ERC2: variants seen among roughly 807,000 people sequenced by gnomAD.
ERC2 encodes ELKS/RAB6-interacting/CAST family member 2, also known as ERC protein 2.
In ERC2, 42 loss-of-function variants were observed where a neutral mutation model predicts 114.8. That is an observed-to-expected ratio of 0.37 (90% CI 0.29 to 0.47). ERC2 has a LOEUF of 0.47. ERC2 is among the 20% of genes least tolerant of loss of function. The pLI, the probability that ERC2 is intolerant of heterozygous loss-of-function variation, is 0.99. For synonymous variants in ERC2, 454 were observed against 425.5 expected (o/e 1.07, Z -0.82); for missense variants, 939 against 1,150.7 (o/e 0.82, Z 2.66).
chr3:55,578,383 C>T (rs2057094440), intron 17 of ERC2, among the ~76,000 whole-genome samples: 1 of 152,178 alleles, frequency 6.6e-6, no homozygotes, highest in African/African-American at 2.4e-5. Flanking sequence ...TCACTGTGCT[C>T]CAGGAAAGCT....
rs1007680667 is a variant in ERC2, at chr3:55,716,628, T to C, written c.2713-17116A>G. 2.6e-5 allele frequency among the ~76,000 whole-genome samples: 4 copies of C among 152,322 alleles called. No individual in the cohort carries two copies. The South Asian group carries it at 8.3e-4, about 32-fold the overall frequency. ...GTCTGTGGCTTCTGATTCCCTTTTA[T>C]AGCCCTTGAAATTCTGGAACAAGGT... On this transcript the variant is annotated intron_variant, in intron 15 of 17. Coordinates refer to ENST00000288221, the MANE Select transcript of ERC2 (RefSeq NM_015576.3).
intron 13 of ERC2, among the ~76,000 whole-genome samples, chr3:55,914,535 A>G (rs1009003779): frequency 2.0e-5 from 3 of 152,038 alleles, no homozygotes; most frequent in Non-Finnish European, 4.4e-5. Flanking sequence ...TACACATACA[A>G]CTTGATTCTT....
At chr3:56,173,744 A>G in intron 3 of ERC2, 1 of 512,388 alleles carries the variant, frequency 2.0e-6, no homozygotes, top group East Asian at 3.5e-5. Context: ...ACTTCCATCA[A>G]TAATTAATGT....
chr3:55,569,540 G>T (rs974021209), intron 17 of ERC2, among the ~76,000 whole-genome samples: 4 of 152,320 alleles, frequency 2.6e-5, no homozygotes, highest in African/African-American at 7.2e-5. Context: ...ACTCTTCAAA[G>T]ATATCATGTT....
At chr3:56,058,224 T>C (rs1364545486) in intron 7 of ERC2, among the ~76,000 whole-genome samples, 1 of 152,198 alleles carries the variant, frequency 6.6e-6, no homozygotes, top group African/African-American at 2.4e-5. Flanking sequence ...TAGGGAGACA[T>C]ACCCTGACAA....
intron 3 of ERC2, among the ~76,000 whole-genome samples, chr3:56,259,879 A>G (rs943151152): frequency 3.9e-5 from 6 of 152,018 alleles, no homozygotes; most frequent in Non-Finnish European, 5.9e-5. Context: ...TAAATTCAAG[A>G]GCTATGGGTT....
intron 17 of ERC2, among the ~76,000 whole-genome samples, chr3:55,550,834 G>A (rs1335008867): frequency 1.3e-5 from 2 of 152,060 alleles, no homozygotes; most frequent in African/African-American, 2.4e-5. Flanking sequence ...GGCTAACACG[G>A]TGAAACCCCA....
chr3:56,381,308 G>T (rs558713275), intron 2 of ERC2, among the ~76,000 whole-genome samples: 1 of 152,212 alleles, frequency 6.6e-6, no homozygotes, highest in African/African-American at 2.4e-5. Context: ...TCATTCCTGG[G>T]TATACTTAGG....
chr3:56,239,765 A>T (rs1478844099), intron 3 of ERC2, among the ~76,000 whole-genome samples: 1 of 152,206 alleles, frequency 6.6e-6, no homozygotes, highest in African/African-American at 2.4e-5. Context: ...CCCCCTTCTG[A>T]TCGGAGGCAT....
chr3:56,139,082 G>A (rs1340857712), intron 6 of ERC2, among the ~76,000 whole-genome samples: 1 of 152,094 alleles, frequency 6.6e-6, no homozygotes, highest in Non-Finnish European at 1.5e-5. Context: ...GTTATTTTAT[G>A]ATTTTTGATA....
chr3:55,843,707 T>C (rs1373396382), intron 14 of ERC2, among the ~76,000 whole-genome samples: 1 of 152,228 alleles, frequency 6.6e-6, no homozygotes, highest in African/African-American at 2.4e-5. Flanking sequence ...AGTTCTCCCA[T>C]TCCTTAATCC....
At chr3:55,932,476 A>G (rs1429559090) in intron 13 of ERC2, among the ~76,000 whole-genome samples, 4 of 152,236 alleles carry the variant, frequency 2.6e-5, no homozygotes, top group Admixed American at 1.3e-4. Context: ...TGTTATGAAC[A>G]GGCTGTGCTC....
At chr3:56,180,619 T>C (rs1429037182) in intron 3 of ERC2, among the ~76,000 whole-genome samples, 2 of 152,018 alleles carry the variant, frequency 1.3e-5, no homozygotes, top group African/African-American at 2.4e-5. Context: ...CTTATCGAAA[T>C]AGAAAGTGAA....
At chr3:56,464,417 A>G (rs1246845187) in intron 1 of ERC2, among the ~76,000 whole-genome samples, 1 of 152,220 alleles carries the variant, frequency 6.6e-6, no homozygotes, top group East Asian at 1.9e-4. Flanking sequence ...CAGCCTCTAC[A>G]CAGCCACCCC....
intron 15 of ERC2, among the ~76,000 whole-genome samples, chr3:55,706,621 A>G (rs558477297): frequency 6.6e-6 from 1 of 152,126 alleles, no homozygotes; most frequent in East Asian, 1.9e-4. Flanking sequence ...CATGTCAGCC[A>G]GGCTGGTCTT....
At chr3:56,343,192 T>TCTCTCTCTCTCACACA (rs1376220124) in intron 2 of ERC2, among the ~76,000 whole-genome samples, 40 of 126,130 alleles carry the variant, frequency 3.2e-4, no homozygotes, top group African/African-American at 1.2e-3. Context: ...TCTCTCTCTC[T>TCTCTCTCTCTCACACA]CACACACACA....
chr3:56,312,730 G>A (rs2056651930), intron 2 of ERC2, among the ~76,000 whole-genome samples: 1 of 149,292 alleles, frequency 6.7e-6, no homozygotes, highest in African/African-American at 2.5e-5. Flanking sequence ...TGCTCTCGGT[G>A]GAATTTTAAG....
chr3:56,058,607 C>A (rs2076112759), intron 7 of ERC2, among the ~76,000 whole-genome samples: 1 of 152,294 alleles, frequency 6.6e-6, no homozygotes, highest in African/African-American at 2.4e-5. Flanking sequence ...GCAGATTACC[C>A]TCCATAATGT....
At chr3:56,411,910 A>C (rs1424480431) in intron 2 of ERC2, among the ~76,000 whole-genome samples, 1 of 152,220 alleles carries the variant, frequency 6.6e-6, no homozygotes, top group Non-Finnish European at 1.5e-5. Context: ...ACAGAAAAAA[A>C]GCTGGAGGGT....
Sources: allele counts gnomAD v4.1 joint callset (sites outside exome capture counted in the v4.1 genomes callset), GRCh38; gene constraint gnomAD v4.1.1; transcripts MANE v1.5; gene names NCBI Gene and HGNC (gene_info 2026-07-23, HGNC 2026-07-21).